Variants in TMEM107 observed in about 807,000 individuals in gnomAD.
TMEM107 encodes the protein transmembrane protein 107.
Under a neutral mutation model 16.8 loss-of-function variants are expected in TMEM107, and 18 were observed. That is an observed-to-expected ratio of 1.07 (90% confidence interval 0.74 to 1.59). TMEM107 has a LOEUF of 1.59. TMEM107 is among the 40% of genes most tolerant of loss of function. TMEM107 has a pLI of 0.00. For synonymous variants in TMEM107, 68 were observed against 71.6 expected (o/e 0.95, Z 0.25); for missense variants, 152 against 175.4 (o/e 0.87, Z 0.75).
intron 3 of TMEM107, 38 bp downstream of exon 3, chr17:8,175,719 T>C: frequency 6.5e-7 from 1 of 1,544,448 alleles, no homozygotes; most frequent in Middle Eastern, 1.7e-4. Context: ...CTGATAGAAG[T>C]GGGTCGTGTG....
In TMEM107 at chr17:8,173,429, C is replaced by CA. The variant is rs763924942; in HGVS notation, c.*773dup. 3 of 759,308 alleles carry CA rather than the reference C, an allele frequency of 4.0e-6. No homozygotes were observed. Among genetic ancestry groups the CA allele is most frequent in the East Asian group, 2.4e-5 (1 of 41,098 alleles). 47.0% of individuals were successfully genotyped at this position (759,308 alleles called of 1,614,324 possible). On this transcript the variant is annotated 3_prime_UTR_variant, in exon 5 of 5. Transcript: ENST00000437139. ...TGGATATCTGCTAATCAGCATAACACAAATGTAAGTGATCGTCAGAAAGAA... is the reference window on the plus strand; with the variant it reads ...TGGATATCTGCTAATCAGCATAACACAAAATGTAAGTGATCGTCAGAAAGAA...
At position 8,176,327 on chromosome 17, in the gene TMEM107, T is replaced by G; in HGVS notation, c.-41A>C. Reference sequence around the variant, plus strand: ...GGGCGGCGGTCTCTGAGGCTGGAAGTTCAGAGACAGCGACTCCTGAAGTCT... The same window carrying G: ...GGGCGGCGGTCTCTGAGGCTGGAAGGTCAGAGACAGCGACTCCTGAAGTCT... On this transcript the variant is annotated 5_prime_UTR_variant, in exon 1 of 5. Coordinates refer to ENST00000437139, the MANE Select transcript of TMEM107 (RefSeq NM_183065.4). 6.5e-7 allele frequency: 1 copy of G among 1,540,012 alleles called. No individual in the cohort carries two copies. Among genetic ancestry groups the G allele is most frequent in the Non-Finnish European group, 8.9e-7 (1 of 1,120,446 alleles).
Position 8,175,868 on chromosome 17 carries a change from G to A in TMEM107, c.156-11C>T, listed in dbSNP as rs1984088506. 3.1e-6 allele frequency: 5 copies of A among 1,614,178 alleles called. No homozygotes were observed. The highest frequency in any genetic ancestry group is 4.2e-6 in the Non-Finnish European group (5 of 1,180,010). ...AGCGCGGCCACCAGCCTGCAGAGAG[G>A]AAGTGGACTGGCCCAGGCCTTTGGA... On this transcript the variant is annotated splice_polypyrimidine_tract_variant and intron_variant, in intron 2 of 4. Coordinates refer to ENST00000437139, the MANE Select transcript of TMEM107 (RefSeq NM_183065.4).
chr17:8,175,431 T>G, intron 3 of TMEM107: 1 of 561,358 alleles, frequency 1.8e-6, no homozygotes, highest in Non-Finnish European at 3.2e-6. Context: ...CAGATTTGTA[T>G]CTACCTCCTC....
In TMEM107 at chr17:8,175,752, G is replaced by C. The variant is rs764515694; in HGVS notation, c.256+5C>G. On this transcript the variant is annotated splice_donor_5th_base_variant and intron_variant, in intron 3 of 4. Coordinates refer to ENST00000437139, the MANE Select transcript of TMEM107 (RefSeq NM_183065.4). Reference sequence around the variant, plus strand: ...GTGGGAAAGGTGGGCAGGCAGAAAGGATACAGATGAGGCTCTGGGTGCTGT... The same window carrying C: ...GTGGGAAAGGTGGGCAGGCAGAAAGCATACAGATGAGGCTCTGGGTGCTGT... 9.9e-6 allele frequency: 16 copies of C among 1,612,980 alleles called. No homozygotes were observed. Among genetic ancestry groups the C allele is most frequent in the Non-Finnish European group, 1.4e-5 (16 of 1,179,062 alleles).
chr17:8,174,638 G>A, intron 3 of TMEM107, 22 bp from the exon 4 acceptor site: 1 of 1,609,566 alleles, frequency 6.2e-7, no homozygotes, highest in Non-Finnish European at 8.5e-7. Context: ...ACGAGATTAA[G>A]GAAAGTCTTT....
Position 8,176,233 on chromosome 17 carries a change from A to C in TMEM107, c.54T>G (p.His18Gln). The change falls in exon 1 of 5, where the codon CAT becomes CAG. Residue 18 changes from histidine to glutamine, a missense_variant. Physicochemically the swap from His to Gln is conservative, Grantham distance 24. Coordinates refer to ENST00000437139, the MANE Select transcript of TMEM107 (RefSeq NM_183065.4). ...VPSRFLTLLA[H>Q]LVVVITLFWS... Reference sequence around the variant, plus strand: ...AGAATAAGGTGATGACGACCACCAGATGCGCCAGGAGCGTCAGGAAGCGAG... The same window carrying C: ...AGAATAAGGTGATGACGACCACCAGCTGCGCCAGGAGCGTCAGGAAGCGAG... 6.2e-7 allele frequency: 1 copy of C among 1,614,118 alleles called. No homozygotes were observed. The highest frequency in any genetic ancestry group is 1.1e-5 in the South Asian group (1 of 91,074).
At chr17:8,174,309 G>C (rs761964789) in intron 4 of TMEM107, 37 bp from the exon 5 acceptor site, 5 of 1,582,390 alleles carry the variant, frequency 3.2e-6, no homozygotes, top group Non-Finnish European at 2.6e-6. Flanking sequence ...AACCCTTTCA[G>C]TATAAATACC....
rs1416997604 is a variant in TMEM107, at chr17:8,175,799, G to A, written c.214C>T (p.Leu72Phe). The A allele has an allele frequency of 6.2e-7, 1 of 1,614,074 alleles. No individual in the cohort carries two copies. Among genetic ancestry groups the A allele is most frequent in the Non-Finnish European group, 8.5e-7 (1 of 1,180,042 alleles). The change falls in exon 3 of 5, where the codon CTC becomes TTC. Residue 72 changes from leucine (L) to phenylalanine (F), a missense_variant. Coordinates refer to ENST00000437139, the MANE Select transcript of TMEM107 (RefSeq NM_183065.4). ...GLFAVELAGF[L>F]SGVSMFNSTQ... is the part of the protein sequence containing the mutation. Reference sequence around the variant, plus strand: ...CTGTTGAACATGGAGACTCCTGAGAGGAAACCGGCCAGCTCCACTGCAAAG... The same window carrying A: ...CTGTTGAACATGGAGACTCCTGAGAAGAAACCGGCCAGCTCCACTGCAAAG...
intron 3 of TMEM107, 183 bp downstream of exon 3, chr17:8,175,574 A>G: frequency 1.4e-6 from 1 of 705,358 alleles, no homozygotes; most frequent in Non-Finnish European, 2.6e-6. Context: ...ATGCCTGGCC[A>G]AAAACTGTAT....
rs1410741290 is a variant in TMEM107 at position 8,173,823 on chromosome 17, ACTTT to A, written c.*376_*379del. ...CGTGCCGGACGTTCTAACTGTACGCACTTTCTATTTACATATCTCCGCCCACTCC... is the reference window on the plus strand; with the variant it reads ...CGTGCCGGACGTTCTAACTGTACGCACTATTTACATATCTCCGCCCACTCC... On this transcript the variant is annotated 3_prime_UTR_variant, in exon 5 of 5. Transcript: ENST00000437139. 8.0e-6 allele frequency: 4 copies of A among 498,322 alleles called. No homozygotes were observed. The East Asian group carries it at 9.9e-5, about 12-fold the overall frequency. The allele number at this position is 498,322 out of a possible 1,614,324, so 30.9% of individuals were successfully genotyped here. A position where few individuals can be genotyped will look rare whatever the true frequency, so the allele number is the denominator to read the frequency against.
chr17:8,173,426 A>C lies in TMEM107; in HGVS notation c.*777T>G, dbSNP rs372572848. On this transcript the variant is annotated 3_prime_UTR_variant, in exon 5 of 5. Transcript: ENST00000437139. Reference sequence around the variant, plus strand: ...TTGTGGATATCTGCTAATCAGCATAACACAAATGTAAGTGATCGTCAGAAA... The same window carrying C: ...TTGTGGATATCTGCTAATCAGCATACCACAAATGTAAGTGATCGTCAGAAA... The C allele has an allele frequency of 4.3e-4, 325 of 754,892 alleles. No individual in the cohort carries two copies. In the African/African-American group the frequency reaches 4.5e-3, roughly 11 times the overall value. The allele number at this position is 754,892 out of a possible 1,614,324, so 46.8% of individuals were successfully genotyped here.
At chr17:8,174,301 C>A in intron 4 of TMEM107, 29 bp from the exon 5 acceptor site, 1 of 1,601,798 alleles carries the variant, frequency 6.2e-7, no homozygotes, top group Non-Finnish European at 8.6e-7. Flanking sequence ...GATTCAGAAA[C>A]CCTTTCAGTA....
In TMEM107 at chr17:8,174,152, G is replaced by A. The variant is rs1225639878; in HGVS notation, c.*51C>T. 1.3e-6 allele frequency: 2 copies of A among 1,533,026 alleles called. No individual in the cohort carries two copies. The highest frequency in any genetic ancestry group is 9.0e-7 in the Non-Finnish European group (1 of 1,106,748). The allele number at this position is 1,533,026 out of a possible 1,614,324, so 95.0% of individuals were successfully genotyped here. ...GCCTTCCTTCTTCCAGGAATACGAA[G>A]CGGCCCTTGCCCCTGTAGGCTTCGT... On this transcript the variant is annotated 3_prime_UTR_variant, in exon 5 of 5. Transcript: ENST00000437139.
chr17:8,176,207 C>G lies in TMEM107; in HGVS notation c.80G>C (p.Trp27Ser), dbSNP rs765044785. Residue 27 changes from tryptophan to serine, a missense_variant, in exon 1 of 5, where the codon TGG (tryptophan) becomes TCG (serine). Trp to Ser is a radical substitution (Grantham distance 177, BLOSUM62 -3). Transcript: ENST00000437139. ...AHLVVVITLF[W>S]SRDSNIQACL... ...TGCAGCCGTGGGTCTTACCCGGGACCAGAATAAGGTGATGACGACCACCAG... is the reference window on the plus strand; with the variant it reads ...TGCAGCCGTGGGTCTTACCCGGGACGAGAATAAGGTGATGACGACCACCAG... The G allele has an allele frequency of 1.9e-6, 3 of 1,614,092 alleles. No homozygotes were observed. The South Asian group carries it at 3.3e-5, about 18-fold the overall frequency.
chr17:8,173,053 GCCGTGCA>G lies in TMEM107; in HGVS notation c.*1143_*1149del, dbSNP rs1359267383. Among the ~76,000 whole-genome samples the G allele has an allele frequency of 6.6e-6, 1 of 151,820 alleles. No homozygotes were observed. The highest frequency in any genetic ancestry group is 2.4e-5 in the African/African-American group (1 of 41,308). ...AATGTATCCATGTATATACATCTGCGCCGTGCACTCCTGCCTTGGCGACAGACCAAGA... is the reference window on the plus strand; with the variant it reads ...AATGTATCCATGTATATACATCTGCGCTCCTGCCTTGGCGACAGACCAAGA... On this transcript the variant is annotated 3_prime_UTR_variant, in exon 5 of 5. Transcript: ENST00000437139.
At chr17:8,174,752 G>A (rs1983990506) in intron 3 of TMEM107, 136 bp from the exon 4 acceptor site, 1 of 751,880 alleles carries the variant, frequency 1.3e-6, no homozygotes. Context: ...GCTAGAGTCA[G>A]CAGCTCTGAC....
Position 8,176,196 on chromosome 17 carries a change from T to C in TMEM107, c.87+4A>G. On this transcript the variant is annotated splice_donor_region_variant and intron_variant, in intron 1 of 4. Coordinates refer to ENST00000437139, the MANE Select transcript of TMEM107 (RefSeq NM_183065.4). The stretch of plus-strand genomic sequence containing the variant: ...GACGGATTGAGTGCAGCCGTGGGTC[T>C]TACCCGGGACCAGAATAAGGTGATG... 1 of 1,613,928 alleles carries C rather than the reference T, an allele frequency of 6.2e-7. No homozygotes were observed. The highest frequency in any genetic ancestry group is 1.3e-5 in the African/African-American group (1 of 75,024).
rs1453730815 is a variant in TMEM107, at chr17:8,172,886, G to C, written c.*1317C>G. On this transcript the variant is annotated 3_prime_UTR_variant, in exon 5 of 5. Coordinates refer to ENST00000437139, the MANE Select transcript of TMEM107 (RefSeq NM_183065.4). Reference sequence around the variant, plus strand: ...AAAAAAAAAAAAAAACCAAAAGAGGGGGGTGGTCAACATACCATATGCTGA... The same window carrying C: ...AAAAAAAAAAAAAAACCAAAAGAGGCGGGTGGTCAACATACCATATGCTGA... 6.8e-6 allele frequency among the ~76,000 whole-genome samples: 1 copy of C among 146,890 alleles called. No individual in the cohort carries two copies. The highest frequency in any genetic ancestry group is 6.7e-5 in the Admixed American group (1 of 14,816).
Sources: allele counts gnomAD v4.1 joint callset (sites outside exome capture counted in the v4.1 genomes callset), GRCh38; gene constraint gnomAD v4.1.1; transcripts MANE v1.5; gene names NCBI Gene and HGNC (gene_info 2026-07-23, HGNC 2026-07-21).